RBM33: variants seen among roughly 807,000 people sequenced by gnomAD.
The protein encoded by RBM33 is RNA-binding protein 33.
In RBM33, 28 loss-of-function variants were observed where a neutral mutation model predicts 132.6. The ratio of observed to expected loss-of-function variants is 0.21; its 90% CI spans 0.16 to 0.29. The LOEUF is 0.29. RBM33 is among the 10% of genes least tolerant of loss of function. The pLI, the probability that RBM33 is intolerant of heterozygous loss-of-function variation, is 1.00. For synonymous variants in RBM33, 634 were observed against 593.0 expected (o/e 1.07, Z -1.01); for missense variants, 1,291 against 1,518.5 (o/e 0.85, Z 2.49).
intron 9 of RBM33, among the ~76,000 whole-genome samples, chr7:155,733,757 A>AC (rs1208286373): frequency 2.6e-5 from 4 of 152,190 alleles, no homozygotes; most frequent in African/African-American, 9.7e-5. Flanking sequence ...AGTCCTGGCA[A>AC]GTAGAAAGAA....
At chr7:155,710,145 C>T (rs888573283) in intron 7 of RBM33, among the ~76,000 whole-genome samples, 1 of 152,094 alleles carries the variant, frequency 6.6e-6, no homozygotes, top group Non-Finnish European at 1.5e-5. Flanking sequence ...ATTTAGAAGC[C>T]CTCCGTAATT....
At chr7:155,718,199 CTTCTG>C (rs1317350236) in intron 8 of RBM33, among the ~76,000 whole-genome samples, 181 bp from the exon 9 acceptor site, 1 of 152,120 alleles carries the variant, frequency 6.6e-6, no homozygotes, top group African/African-American at 2.4e-5. Context: ...GAAAAGGAAA[CTTCTG>C]CTTTCCCCTT....
chr7:155,657,630 C>G (rs1459889581), intron 1 of RBM33, among the ~76,000 whole-genome samples: 1 of 152,168 alleles, frequency 6.6e-6, no homozygotes, highest in African/African-American at 2.4e-5. Context: ...TTCTCAGGCT[C>G]CCAAGTAGCT....
At chr7:155,755,589 G>GC (rs1173003723) in intron 14 of RBM33, among the ~76,000 whole-genome samples, 1 of 152,214 alleles carries the variant, frequency 6.6e-6, no homozygotes, top group East Asian at 1.9e-4. Flanking sequence ...ATGCTGCTTA[G>GC]CGTCTGATAG....
At chr7:155,679,328 C>G (rs1412468643) in intron 4 of RBM33, among the ~76,000 whole-genome samples, 2 of 152,172 alleles carry the variant, frequency 1.3e-5, no homozygotes, top group Non-Finnish European at 2.9e-5. Flanking sequence ...TTGGGACTCT[C>G]AACACCATTG....
chr7:155,677,648 C>G (rs956907872), intron 3 of RBM33, among the ~76,000 whole-genome samples: 1 of 152,198 alleles, frequency 6.6e-6, no homozygotes, highest in East Asian at 1.9e-4. Context: ...AGGTTGAGTC[C>G]TGTGCGACTA....
chr7:155,656,235 T>A (rs1373053454), intron 1 of RBM33, among the ~76,000 whole-genome samples: 1 of 152,242 alleles, frequency 6.6e-6, no homozygotes, highest in Non-Finnish European at 1.5e-5. Flanking sequence ...TTTTGTATAT[T>A]GGATAATGAA....
chr7:155,771,601 T>C (rs903221106), intron 16 of RBM33, among the ~76,000 whole-genome samples: 26 of 152,324 alleles, frequency 1.7e-4, no homozygotes, highest in African/African-American at 6.0e-4. Context: ...ATACCAAATA[T>C]TGTATGATTG....
intron 5 of RBM33, among the ~76,000 whole-genome samples, chr7:155,700,175 T>C (rs1799916570): frequency 6.6e-6 from 1 of 152,206 alleles, no homozygotes; most frequent in Non-Finnish European, 1.5e-5. Context: ...AAAAAAAGTT[T>C]CTCCTTTTCA....
At position 155,711,317 on chromosome 7, in the gene RBM33, C is replaced by T. The variant is rs1436331312; in HGVS notation, c.1063C>T (p.Pro355Ser). 1.9e-6 allele frequency: 3 copies of T among 1,607,092 alleles called. No individual in the cohort carries two copies. The highest frequency in any genetic ancestry group is 1.1e-5 in the South Asian group (1 of 90,068). ...LPVQHPHHPS[P>S]PQGMHMPPQL... is the part of the protein sequence containing the mutation. ...GGTGCAGCACCCGCACCACCCATCC[C>T]CGCCTCAGGGAATGCACATGCCTCC... The change falls in exon 8 of 18, where the codon CCG (proline) becomes TCG (serine). Residue 355 changes from proline to serine, a missense_variant. Around this residue, in one of 7 missense-constraint regions of RBM33, gnomAD observed 146 missense variants for 137.1 expected, o/e 1.07. Coordinates refer to ENST00000401878, the MANE Select transcript of RBM33 (RefSeq NM_053043.3).
chr7:155,683,059 G>C (rs1218978443), intron 5 of RBM33, among the ~76,000 whole-genome samples: 1 of 151,850 alleles, frequency 6.6e-6, no homozygotes, highest in Non-Finnish European at 1.5e-5. Context: ...TTCACAGAGA[G>C]TTGTAAAGTT....
At chr7:155,687,980 A>C (rs1799526980) in intron 5 of RBM33, among the ~76,000 whole-genome samples, 1 of 152,250 alleles carries the variant, frequency 6.6e-6, no homozygotes, top group South Asian at 2.1e-4. Context: ...GTTCCATATG[A>C]ACTTGAAAGT....
At chr7:155,726,665 G>A (rs1188496295) in intron 9 of RBM33, among the ~76,000 whole-genome samples, 1 of 152,140 alleles carries the variant, frequency 6.6e-6, no homozygotes, top group Non-Finnish European at 1.5e-5. Context: ...TTGCTAGAGG[G>A]AATTGGTAAT....
chr7:155,743,617 ATCT>A (rs1226646690), intron 13 of RBM33, among the ~76,000 whole-genome samples: 3 of 152,238 alleles, frequency 2.0e-5, no homozygotes, highest in Admixed American at 1.3e-4. Flanking sequence ...TAGAAGAAAG[ATCT>A]TCTATTTGTT....
rs1585565581 is a variant in RBM33 at position 155,780,010 on chromosome 7, A to G, written c.*4969A>G. 1 of 152,240 alleles carries G rather than the reference A, an allele frequency of 6.6e-6. No individual in the cohort carries two copies. The highest frequency in any genetic ancestry group is 2.1e-4 in the South Asian group (1 of 4,834). 9.4% of individuals were successfully genotyped at this position (152,240 alleles called of 1,614,324 possible). A position where few individuals can be genotyped will look rare whatever the true frequency, so the allele number is the denominator to read the frequency against. ...TTTTTTATTTTAATATGTTCCATAGAGTGGATAGGCAGACAGGTACTATTG... is the reference window on the plus strand; with the variant it reads ...TTTTTTATTTTAATATGTTCCATAGGGTGGATAGGCAGACAGGTACTATTG... On this transcript the variant is annotated 3_prime_UTR_variant, in exon 18 of 18. Transcript: ENST00000401878.
At chr7:155,659,405 G>T (rs948926236) in intron 1 of RBM33, among the ~76,000 whole-genome samples, 1 of 152,004 alleles carries the variant, frequency 6.6e-6, no homozygotes, top group African/African-American at 2.4e-5. Flanking sequence ...TATTAATAAA[G>T]AAATTATTAG....
At chr7:155,646,456 C>A (rs1223354140) in intron 1 of RBM33, among the ~76,000 whole-genome samples, 1 of 152,126 alleles carries the variant, frequency 6.6e-6, no homozygotes, top group African/African-American at 2.4e-5. Flanking sequence ...GCCAAAGTTT[C>A]CTTTGCTCTT....
Position 155,739,847 on chromosome 7 carries a change from C to A in RBM33, c.1870C>A (p.Gln624Lys). The A allele has an allele frequency of 6.7e-7, 1 of 1,499,002 alleles. No individual in the cohort carries two copies. Among genetic ancestry groups the A allele is most frequent in the Non-Finnish European group, 9.0e-7 (1 of 1,109,296 alleles). The allele number at this position is 1,499,002 out of a possible 1,614,324, so 92.9% of individuals were successfully genotyped here. Residue 624 changes from glutamine (Q) to lysine (K), a missense_variant, in exon 12 of 18, where the codon CAG becomes AAG. Gln to Lys is a moderately conservative substitution (Grantham distance 53). Coordinates refer to ENST00000401878, the MANE Select transcript of RBM33 (RefSeq NM_053043.3). Reference protein sequence around the residue: ...QPPPQHQPPPQHPPQHPPQHQ... With the variant: ...QPPPQHQPPPKHPPQHPPQHQ... Reference sequence around the variant, plus strand: ...CCCGCCCCAGCACCAGCCCCCACCCCAGCACCCACCACAGCACCCGCCGCA... The same window carrying A: ...CCCGCCCCAGCACCAGCCCCCACCCAAGCACCCACCACAGCACCCGCCGCA...
chr7:155,760,758 A>G (rs531516460), intron 14 of RBM33, among the ~76,000 whole-genome samples: 2 of 152,356 alleles, frequency 1.3e-5, no homozygotes, highest in South Asian at 4.1e-4. Flanking sequence ...TAAGATACAG[A>G]CTGAAAAATT....
Sources: gnomAD v4.1 joint callset for allele counts (sites outside exome capture counted in the v4.1 genomes callset) on GRCh38, gnomAD v4.1.1 for gene constraint, gnomAD v4.1.1 regional missense constraint, MANE v1.5 for transcripts, NCBI Gene and HGNC (gene_info 2026-07-23, HGNC 2026-07-21) for gene names.